Variants in KYNU observed in about 807,000 individuals in gnomAD.
KYNU encodes the protein L-kynurenine hydrolase.
In KYNU, 54 loss-of-function variants were observed where a neutral mutation model predicts 59.2. That is an observed-to-expected ratio of 0.91 (90% CI 0.73 to 1.14). KYNU has a LOEUF of 1.14. Ranked by LOEUF, KYNU falls within the 50% of genes most tolerant of loss-of-function variation. The probability of loss-of-function intolerance (pLI) is 0.00; values close to 1 mark genes in which losing one functional copy is unlikely to be tolerated. For synonymous variants in KYNU, 177 were observed against 192.0 expected (o/e 0.92, Z 0.65); for missense variants, 567 against 554.4 (o/e 1.02, Z -0.23).
chr2:142,975,755 T>C (rs539151735), intron 8 of KYNU, among the ~76,000 whole-genome samples: 1 of 152,326 alleles, frequency 6.6e-6, no homozygotes, highest in East Asian at 1.9e-4. Context: ...GATAAATAAA[T>C]GAATATATCT....
chr2:142,944,458 T>C (rs1683709229), intron 4 of KYNU, among the ~76,000 whole-genome samples: 1 of 152,196 alleles, frequency 6.6e-6, no homozygotes, highest in Non-Finnish European at 1.5e-5. Flanking sequence ...CACACTCATC[T>C]CAGAAGTGAT....
intron 10 of KYNU, among the ~76,000 whole-genome samples, chr2:143,027,633 G>T (rs1386380526): frequency 6.6e-6 from 1 of 151,916 alleles, no homozygotes; most frequent in African/African-American, 2.4e-5. Flanking sequence ...CCCCATCTCT[G>T]GTTTGCCTTG....
chr2:142,903,505 G>A (rs1467352395), intron 2 of KYNU, among the ~76,000 whole-genome samples: 3 of 150,842 alleles, frequency 2.0e-5, no homozygotes, highest in Non-Finnish European at 4.4e-5. Context: ...GCTGGGAGAA[G>A]TATCTAGTGG....
At chr2:142,905,716 G>C (rs1248280035) in intron 2 of KYNU, among the ~76,000 whole-genome samples, 2 of 152,170 alleles carry the variant, frequency 1.3e-5, no homozygotes, top group Non-Finnish European at 2.9e-5. Context: ...TCTTCTGTTA[G>C]CAAAGCAGTT....
intron 8 of KYNU, among the ~76,000 whole-genome samples, chr2:142,970,515 T>C (rs1255151165): frequency 6.6e-6 from 1 of 152,200 alleles, no homozygotes; most frequent in African/African-American, 2.4e-5. Flanking sequence ...TATCTCCAGA[T>C]ATAACTGTCA....
chr2:142,903,045 C>T (rs192927012), intron 2 of KYNU, among the ~76,000 whole-genome samples: 36 of 152,274 alleles, frequency 2.4e-4, no homozygotes, highest in African/African-American at 8.2e-4. Context: ...TATAGAGGAA[C>T]AGCAGCCTCA....
At chr2:142,901,361 G>A (rs893896011) in intron 2 of KYNU, among the ~76,000 whole-genome samples, 2 of 152,194 alleles carry the variant, frequency 1.3e-5, no homozygotes, top group African/African-American at 4.8e-5. Flanking sequence ...CTCCTGCTGA[G>A]TAGCAGCTTG....
At chr2:142,888,427 C>T (rs1681589774) in intron 2 of KYNU, among the ~76,000 whole-genome samples, 1 of 152,146 alleles carries the variant, frequency 6.6e-6, no homozygotes, top group Non-Finnish European at 1.5e-5. Flanking sequence ...CACTGAACTC[C>T]AGCCTGGGTG....
rs530709557 is a variant in KYNU, at chr2:142,941,246, C to T, written c.373+13505C>T. Among the ~76,000 whole-genome samples the T allele has an allele frequency of 2.0e-5, 3 of 152,310 alleles. No individual in the cohort carries two copies. The East Asian group carries it at 5.8e-4, about 29-fold the overall frequency. On this transcript the variant is annotated intron_variant, in intron 4 of 13. Transcript: ENST00000264170. Reference sequence around the variant, plus strand: ...TCAACTCTCCTGTGATCTAAGGGAGCTTGTTATGAATAACAAAAAATACTT... The same window carrying T: ...TCAACTCTCCTGTGATCTAAGGGAGTTTGTTATGAATAACAAAAAATACTT...
At chr2:143,016,480 C>T (rs1686249147) in intron 10 of KYNU, among the ~76,000 whole-genome samples, 1 of 152,150 alleles carries the variant, frequency 6.6e-6, no homozygotes, top group South Asian at 2.1e-4. Context: ...TTATGCCTGT[C>T]TTCTAAATCA....
chr2:142,890,562 T>G (rs1353335717), intron 2 of KYNU, among the ~76,000 whole-genome samples: 2 of 152,110 alleles, frequency 1.3e-5, no homozygotes, highest in African/African-American at 4.8e-5. Flanking sequence ...ACTGCATCCT[T>G]GACCTCCCAA....
intron 10 of KYNU, among the ~76,000 whole-genome samples, chr2:143,019,704 A>G (rs1260592655): frequency 1.3e-5 from 2 of 152,094 alleles, no homozygotes; most frequent in Non-Finnish European, 2.9e-5. Context: ...CTCCTCTTAA[A>G]TATTTGAAAT....
intron 4 of KYNU, among the ~76,000 whole-genome samples, chr2:142,951,247 TTAAC>T (rs1367812944): frequency 6.6e-6 from 1 of 152,148 alleles, no homozygotes; most frequent in Non-Finnish European, 1.5e-5. Flanking sequence ...TACAGTTTGT[TTAAC>T]AAACAAACAA....
intron 8 of KYNU, among the ~76,000 whole-genome samples, chr2:142,961,482 C>T (rs1327996801): frequency 6.6e-6 from 1 of 151,992 alleles, no homozygotes; most frequent in Non-Finnish European, 1.5e-5. Flanking sequence ...CATACTTTGT[C>T]ATACTATAAA....
At chr2:143,019,498 T>A (rs757173791) in intron 10 of KYNU, among the ~76,000 whole-genome samples, 4 of 152,176 alleles carry the variant, frequency 2.6e-5, no homozygotes, top group Non-Finnish European at 4.4e-5. Flanking sequence ...ATCCCTGGGA[T>A]AAATGCTACT....
At chr2:142,980,238 G>A (rs543869176) in intron 8 of KYNU, among the ~76,000 whole-genome samples, 7 of 152,222 alleles carry the variant, frequency 4.6e-5, no homozygotes, top group Non-Finnish European at 1.0e-4. Context: ...CTTATAATGA[G>A]CTTATAATGC....
intron 8 of KYNU, among the ~76,000 whole-genome samples, chr2:142,978,936 C>T (rs969608651): frequency 1.8e-4 from 28 of 152,058 alleles, no homozygotes; most frequent in African/African-American, 6.7e-4. Context: ...CCAAATCAAT[C>T]AATAAAGTGA....
intron 10 of KYNU, among the ~76,000 whole-genome samples, chr2:143,000,558 A>G (rs1230525813): frequency 5.3e-5 from 8 of 152,240 alleles, no homozygotes; most frequent in Non-Finnish European, 8.8e-5. Flanking sequence ...ATGTCTAAAG[A>G]ACAAAGAAAA....
intron 4 of KYNU, among the ~76,000 whole-genome samples, 164 bp from the exon 5 acceptor site, chr2:142,954,646 A>T (rs1684104137): frequency 6.6e-6 from 1 of 152,098 alleles, no homozygotes; most frequent in Non-Finnish European, 1.5e-5. Context: ...TCATTTGATA[A>T]AATGAGTCAA....
Sources: allele counts gnomAD v4.1 joint callset (sites outside exome capture counted in the v4.1 genomes callset), GRCh38; gene constraint gnomAD v4.1.1; transcripts MANE v1.5; gene names NCBI Gene and HGNC (gene_info 2026-07-23, HGNC 2026-07-21).